The following RALB variants were observed in gnomAD, a reference collection of about 807,000 sequenced individuals.
RALB encodes the protein ras-related protein Ral-B.
Under a neutral mutation model 21.3 loss-of-function variants are expected in RALB, and 16 were observed. The ratio of observed to expected loss-of-function variants is 0.75; its 90% CI spans 0.51 to 1.14. RALB has a LOEUF of 1.14. Among genes scored for constraint, RALB ranks in the 50% most tolerant of loss-of-function variants. The probability of loss-of-function intolerance (pLI) is 0.00; values close to 1 mark genes in which losing one functional copy is unlikely to be tolerated. For missense variants in RALB, 161 were observed against 256.2 expected, an observed-to-expected ratio of 0.63 and a Z score of 2.54; for synonymous variants, 93 against 96.1, an observed-to-expected ratio of 0.97 and a Z score of 0.19.
chr2:120,265,193 A>T (rs1689472541), intron 1 of RALB, among the ~76,000 whole-genome samples: 1 of 152,246 alleles, frequency 6.6e-6, no homozygotes. Flanking sequence ...GTATACTTAC[A>T]CAAGCCTAGA....
At chr2:120,271,356 A>G (rs1482938985) in intron 1 of RALB, among the ~76,000 whole-genome samples, 1 of 152,250 alleles carries the variant, frequency 6.6e-6, no homozygotes, top group African/African-American at 2.4e-5. Context: ...AACATTACAT[A>G]GAAAAACCAT....
chr2:120,271,864 G>A (rs766279312), intron 1 of RALB, among the ~76,000 whole-genome samples: 6 of 152,096 alleles, frequency 3.9e-5, no homozygotes, highest in Non-Finnish European at 7.4e-5. Context: ...GTCTTTCATT[G>A]GGAAGACTGA....
At chr2:120,283,860 C>T (rs769645116) in intron 2 of RALB, among the ~76,000 whole-genome samples, 19 of 152,180 alleles carry the variant, frequency 1.2e-4, no homozygotes, top group Non-Finnish European at 2.4e-4. Flanking sequence ...TTTCTGTTTC[C>T]AGCTGAGCAA....
upstream of RALB, among the ~76,000 whole-genome samples, chr2:120,250,355 TA>T (rs1271391421): frequency 6.6e-6 from 1 of 152,194 alleles, no homozygotes. Flanking sequence ...ACATTCTCAG[TA>T]GCCATACCAA....
chr2:120,279,122 A>T (rs1023018057), intron 2 of RALB, among the ~76,000 whole-genome samples: 2 of 152,220 alleles, frequency 1.3e-5, no homozygotes, highest in Admixed American at 6.5e-5. Context: ...TGTGATTGTC[A>T]GTCAATCGCG....
chr2:120,278,631 C>A lies in RALB; in HGVS notation c.-34C>A. The stretch of plus-strand genomic sequence containing the variant: ...TGTCATCAGCAGCTCTTCAGTGGGT[C>A]ATCTGTGTGTCACAGCCTCAGAAGA... On this transcript the variant is annotated 5_prime_UTR_variant, in exon 2 of 5. Transcript: ENST00000272519. 6.5e-7 allele frequency: 1 copy of A among 1,547,542 alleles called. No individual in the cohort carries two copies. The highest frequency in any genetic ancestry group is 1.2e-5 in the South Asian group (1 of 82,284).
chr2:120,250,956 C>T (rs1052597040), upstream of RALB, among the ~76,000 whole-genome samples: 12 of 152,192 alleles, frequency 7.9e-5, no homozygotes, highest in Admixed American at 1.3e-4. Flanking sequence ...AGGACCCCTC[C>T]GAGTTCTAGG....
intron 1 of RALB, among the ~76,000 whole-genome samples, chr2:120,273,220 G>A (rs1414359767): frequency 1.3e-5 from 2 of 152,180 alleles, no homozygotes; most frequent in African/African-American, 2.4e-5. Context: ...GGTAGGCAGG[G>A]GGTTAGGGAA....
chr2:120,278,036 CGTGA>C lies in RALB; in HGVS notation c.-47-578_-47-575del, dbSNP rs1181669439. On this transcript the variant is annotated intron_variant, in intron 1 of 4. Transcript: ENST00000272519. ...GCATGTGTGAATGTGAATGTGAGAG[CGTGA>C]GTGTGTGTGAATGTGAGCGTGTGTG... Among the ~76,000 whole-genome samples the C allele has an allele frequency of 7.0e-5, 10 of 142,584 alleles. 1 individual carries two copies. The highest frequency in any genetic ancestry group is 4.6e-4 in the South Asian group (2 of 4,334). 93.5% of individuals were successfully genotyped at this position (142,584 alleles called of 152,430 possible). A position where few individuals can be genotyped will look rare whatever the true frequency, so the allele number is the denominator to read the frequency against.
Position 120,246,489 on chromosome 2 carries a change from G to A in RALB, c.19+6364G>A, listed in dbSNP as rs188858215. On this transcript the variant is annotated intron_variant, in intron 1 of 3. Transcript: ENST00000447591. ...TGTGAGGGGCCAGGAGAGCACAGCC[G>A]AACGTCTAACAGTGCCAAGCCCACC... 2.9e-4 allele frequency among the ~76,000 whole-genome samples: 44 copies of A among 152,332 alleles called. 1 individual carries two copies. The highest frequency in any genetic ancestry group is 2.3e-3 in the East Asian group (12 of 5,190).
chr2:120,276,343 G>A (rs1232875223), intron 1 of RALB, among the ~76,000 whole-genome samples: 3 of 152,180 alleles, frequency 2.0e-5, no homozygotes, highest in Non-Finnish European at 4.4e-5. Context: ...GCTCACACCT[G>A]TAGTCCCAGC....
chr2:120,285,621 A>T (rs1181038496), intron 2 of RALB, among the ~76,000 whole-genome samples: 1 of 152,164 alleles, frequency 6.6e-6, no homozygotes, highest in Non-Finnish European at 1.5e-5. Context: ...TTAAAATTTT[A>T]TACTGACAAT....
chr2:120,263,994 G>T (rs1350249552), intron 1 of RALB, among the ~76,000 whole-genome samples: 2 of 148,492 alleles, frequency 1.3e-5, no homozygotes, highest in African/African-American at 2.5e-5. Flanking sequence ...GATTACAGAT[G>T]CACGCCACCA....
intron 1 of RALB, among the ~76,000 whole-genome samples, chr2:120,264,591 C>T (rs376774141): frequency 5.3e-5 from 8 of 152,170 alleles, no homozygotes; most frequent in African/African-American, 1.9e-4. Flanking sequence ...TTTAAAAATT[C>T]TGGTAAAATG....
chr2:120,292,312 G>A (rs1028883342), intron 4 of RALB, among the ~76,000 whole-genome samples: 1 of 152,128 alleles, frequency 6.6e-6, no homozygotes, highest in African/African-American at 2.4e-5. Flanking sequence ...CTTCTCAGTC[G>A]CCTAGTGCAG....
chr2:120,281,320 T>TC (rs1689985168), intron 2 of RALB, among the ~76,000 whole-genome samples: 1 of 152,184 alleles, frequency 6.6e-6, no homozygotes. Flanking sequence ...GGCAGGACAG[T>TC]CTCCAGCCAG....
At chr2:120,240,290 T>TA (rs950382732) in intron 1 of RALB, among the ~76,000 whole-genome samples, 3 of 142,274 alleles carry the variant, frequency 2.1e-5, no homozygotes, top group East Asian at 1.9e-4. Context: ...TATTTTTATT[T>TA]TTATTTTTTT....
chr2:120,269,060 T>C (rs143579072), intron 1 of RALB, among the ~76,000 whole-genome samples: 3 of 152,346 alleles, frequency 2.0e-5, no homozygotes, highest in African/African-American at 7.2e-5. Flanking sequence ...GGTCAGTACA[T>C]ATAGCACTTC....
Position 120,256,969 on chromosome 2 carries a change from T to C in RALB, c.-48+3989T>C, listed in dbSNP as rs192652915. 7.9e-5 allele frequency among the ~76,000 whole-genome samples: 12 copies of C among 152,368 alleles called. No homozygotes were observed. The East Asian group carries it at 2.1e-3, about 27-fold the overall frequency. ...AAGACAGCTGAGGTCTTTAGTATTG[T>C]AGAAGCTTTAATACTATATGTGAAA... On this transcript the variant is annotated intron_variant, in intron 1 of 4. Transcript: ENST00000272519.
Sources: gnomAD v4.1 joint callset for allele counts (sites outside exome capture counted in the v4.1 genomes callset) on GRCh38, gnomAD v4.1.1 for gene constraint, MANE v1.5 for transcripts, NCBI Gene and HGNC (gene_info 2026-07-23, HGNC 2026-07-21) for gene names.